Variants in ITGA9 observed in about 807,000 individuals in gnomAD.
ITGA9 encodes integrin subunit alpha 9, also known as integrin alpha-9.
In ITGA9, 56 loss-of-function variants were observed where a neutral mutation model predicts 127.8. The ratio of observed to expected loss-of-function variants is 0.44; its 90% CI spans 0.35 to 0.55. The LOEUF (loss-of-function observed/expected upper bound fraction) is 0.55. Among genes scored for constraint, ITGA9 ranks in the 20% least tolerant of loss-of-function variants. ITGA9 has a pLI of 0.00. For synonymous variants in ITGA9, 508 were observed against 514.5 expected (o/e 0.99, Z 0.17); for missense variants, 1,196 against 1,347.1 (o/e 0.89, Z 1.76).
intron 6 of ITGA9, among the ~76,000 whole-genome samples, chr3:37,504,737 C>G (rs779891309): frequency 2.0e-5 from 3 of 152,150 alleles, no homozygotes; most frequent in Non-Finnish European, 2.9e-5. Context: ...ATCAAGGATC[C>G]GTTCAGGCTT....
chr3:37,524,093 C>A (rs1332799040), intron 12 of ITGA9, among the ~76,000 whole-genome samples: 1 of 152,158 alleles, frequency 6.6e-6, no homozygotes, highest in Non-Finnish European at 1.5e-5. Context: ...CAGACCTTCA[C>A]CATTCAATGC....
intron 5 of ITGA9, among the ~76,000 whole-genome samples, chr3:37,502,768 A>G (rs997254418): frequency 6.6e-6 from 1 of 152,128 alleles, no homozygotes; most frequent in African/African-American, 2.4e-5. Flanking sequence ...TTGAATGGTG[A>G]GCCTGGAGTC....
Position 37,473,028 on chromosome 3 carries a change from A to G in ITGA9, c.314-326A>G, listed in dbSNP as rs534177979. 3.3e-5 allele frequency among the ~76,000 whole-genome samples: 5 copies of G among 149,718 alleles called. No individual in the cohort carries two copies. The East Asian group carries it at 1.0e-3, about 31-fold the overall frequency. ...GTGGCGCACACCTGTAATCCCAGCT[A>G]CTTGGGAGGCTGAGGCAGGGCAATC... is the stretch of plus-strand genomic sequence containing the variant. On this transcript the variant is annotated intron_variant, in intron 2 of 27. Coordinates refer to ENST00000264741, the MANE Select transcript of ITGA9 (RefSeq NM_002207.3).
intron 15 of ITGA9, among the ~76,000 whole-genome samples, chr3:37,572,565 T>A (rs115796730): frequency 0.014 from 2,203 of 152,298 alleles, 28 homozygotes; most frequent in Admixed American, 0.024. Flanking sequence ...TAAGATAATA[T>A]AGCTCATGCA....
chr3:37,758,704 T>C (rs1317843580), intron 23 of ITGA9, among the ~76,000 whole-genome samples: 1 of 151,994 alleles, frequency 6.6e-6, no homozygotes, highest in Non-Finnish European at 1.5e-5. Flanking sequence ...TTCAGTTTAG[T>C]TGTGTTGGAG....
chr3:37,524,888 T>C (rs982689003), intron 12 of ITGA9, among the ~76,000 whole-genome samples: 43 of 152,220 alleles, frequency 2.8e-4, no homozygotes, highest in African/African-American at 8.9e-4. Context: ...ATTGACAAAT[T>C]CATCAGGTTC....
chr3:37,616,387 A>G (rs1182958800), intron 15 of ITGA9, among the ~76,000 whole-genome samples: 4 of 152,296 alleles, frequency 2.6e-5, no homozygotes, highest in African/African-American at 4.8e-5. Flanking sequence ...ACTTCCAACT[A>G]TGTGGTCAGT....
chr3:37,709,224 A>C (rs1239725786), intron 18 of ITGA9, among the ~76,000 whole-genome samples: 1 of 152,146 alleles, frequency 6.6e-6, no homozygotes, highest in Non-Finnish European at 1.5e-5. Flanking sequence ...TTTTTGTCTA[A>C]TTCTTCTTTC....
chr3:37,589,704 C>T (rs72857216), intron 15 of ITGA9, among the ~76,000 whole-genome samples: 24 of 152,264 alleles, frequency 1.6e-4, no homozygotes, highest in African/African-American at 5.1e-4. Flanking sequence ...TGCAAAGGCC[C>T]TGAGGCAGGA....
chr3:37,526,853 T>C (rs1239148385), intron 13 of ITGA9, among the ~76,000 whole-genome samples: 1 of 152,260 alleles, frequency 6.6e-6, no homozygotes, highest in Non-Finnish European at 1.5e-5. Context: ...ATCCTTCTTA[T>C]TCAGCGGTAC....
intron 17 of ITGA9, among the ~76,000 whole-genome samples, chr3:37,667,615 A>G (rs1196796427): frequency 6.6e-6 from 1 of 152,166 alleles, no homozygotes; most frequent in Non-Finnish European, 1.5e-5. Context: ...ACAACCCATG[A>G]CTCTGGGATG....
rs1028027038 is a variant in ITGA9, at chr3:37,629,808, A to G, written c.1839+472A>G. Among the ~76,000 whole-genome samples the G allele has an allele frequency of 6.6e-6, 1 of 152,236 alleles. No individual in the cohort carries two copies. Among genetic ancestry groups the G allele is most frequent in the Non-Finnish European group, 1.5e-5 (1 of 68,032 alleles). On this transcript the variant is annotated intron_variant, in intron 16 of 27. Coordinates refer to ENST00000264741, the MANE Select transcript of ITGA9 (RefSeq NM_002207.3). This position sits in a 1 kb window ranked among gnomAD's most constrained non-coding sequence, Gnocchi z 4.5. Reference sequence around the variant, plus strand: ...GAAACCAGAGCACTGGGGCAAGTACAGGTGGTCCACACTCATCAGATTCTG... The same window carrying G: ...GAAACCAGAGCACTGGGGCAAGTACGGGTGGTCCACACTCATCAGATTCTG...
chr3:37,689,142 A>G (rs1040674694), intron 18 of ITGA9, among the ~76,000 whole-genome samples: 2 of 152,204 alleles, frequency 1.3e-5, no homozygotes, highest in African/African-American at 2.4e-5. Flanking sequence ...CTCCAAGGTT[A>G]CCTATCTTCT....
At chr3:37,663,303 A>G (rs190867615) in intron 17 of ITGA9, among the ~76,000 whole-genome samples, 73 of 152,366 alleles carry the variant, frequency 4.8e-4, no homozygotes, top group African/African-American at 1.4e-3. Context: ...TCTTTTTTTG[A>G]TGCATTCCAT....
At chr3:37,491,839 T>A (rs1698676974) in intron 4 of ITGA9, among the ~76,000 whole-genome samples, 1 of 152,204 alleles carries the variant, frequency 6.6e-6, no homozygotes, top group African/African-American at 2.4e-5. Context: ...AGAAGATGGA[T>A]TAGGGAGAAA....
At chr3:37,541,453 A>G (rs932905558) in intron 14 of ITGA9, among the ~76,000 whole-genome samples, 2 of 152,260 alleles carry the variant, frequency 1.3e-5, no homozygotes, top group African/African-American at 2.4e-5. Context: ...ATAATGAAAT[A>G]CATACCTATC....
intron 17 of ITGA9, among the ~76,000 whole-genome samples, chr3:37,654,264 G>T (rs1700456384): frequency 1.3e-5 from 2 of 150,832 alleles, no homozygotes; most frequent in Non-Finnish European, 2.9e-5. Flanking sequence ...CATTTCTGTG[G>T]CAGGAGAGGG....
intron 20 of ITGA9, among the ~76,000 whole-genome samples, chr3:37,739,424 C>A (rs1308273913): frequency 1.3e-5 from 2 of 152,218 alleles, no homozygotes; most frequent in African/African-American, 4.8e-5. Flanking sequence ...CCGGAGGGCA[C>A]CCACACACAG....
rs748323144 is a variant in ITGA9, at chr3:37,542,574, G to T, written c.1678G>T (p.Ala560Ser). Residue 560 changes from alanine (A) to serine (S), a missense_variant, in exon 15 of 28, where the codon GCC becomes TCC. Coordinates refer to ENST00000264741, the MANE Select transcript of ITGA9 (RefSeq NM_002207.3). ...GGAGGAGACGTGTCGTCACTATGTG[G>T]CCCATGTGAAGGTCAGTCCTCTCCT... ...YMEETCRHYV[A>S]HVKRRVQDVI... The T allele has an allele frequency of 1.7e-5, 28 of 1,613,986 alleles. No homozygotes were observed. Among genetic ancestry groups the T allele is most frequent in the Non-Finnish European group, 1.7e-6 (2 of 1,180,010 alleles).
Sources: gnomAD v4.1 joint callset for allele counts (sites outside exome capture counted in the v4.1 genomes callset) on GRCh38, gnomAD v4.1.1 for gene constraint, Gnocchi (gnomAD v3.1) non-coding constraint, MANE v1.5 for transcripts, NCBI Gene and HGNC (gene_info 2026-07-23, HGNC 2026-07-21) for gene names.